NOD2: variants seen among roughly 807,000 people sequenced by gnomAD.
The protein encoded by NOD2 is nucleotide binding oligomerization domain containing 2.
A neutral mutation model predicts 90.9 loss-of-function variants in NOD2; 86 were observed. The ratio of observed to expected loss-of-function variants is 0.95; its 90% CI spans 0.79 to 1.13. The LOEUF is 1.13. Among genes scored for constraint, NOD2 ranks in the 50% most tolerant of loss-of-function variants. NOD2 has a pLI of 0.00. For missense variants in NOD2, 1,238 were observed against 1,283.8 expected, an observed-to-expected ratio of 0.96 and a Z score of 0.55; for synonymous variants, 581 against 554.6, an observed-to-expected ratio of 1.05 and a Z score of -0.67.
Position 50,731,876 on chromosome 16 carries a change from C to T in NOD2, c.*57C>T. 1 of 1,348,616 alleles carries T rather than the reference C, an allele frequency of 7.4e-7. No individual in the cohort carries two copies. Among genetic ancestry groups the T allele is most frequent in the Non-Finnish European group, 1.1e-6 (1 of 940,376 alleles). 83.5% of individuals were successfully genotyped at this position (1,348,616 alleles called of 1,614,324 possible). A position where few individuals can be genotyped will look rare whatever the true frequency, so the allele number is the denominator to read the frequency against. ...TTGTGAGCAGGCTGTGAGTTTGGGC[C>T]CCAGAGGCTGGGTGACATGTGTTGG... is the stretch of plus-strand genomic sequence containing the variant. On this transcript the variant is annotated 3_prime_UTR_variant, in exon 12 of 12. Coordinates refer to ENST00000647318, the MANE Select transcript of NOD2 (RefSeq NM_001370466.1).
intron 4 of NOD2, among the ~76,000 whole-genome samples, chr16:50,716,212 G>A (rs529761208): frequency 1.3e-5 from 2 of 152,342 alleles, no homozygotes; most frequent in African/African-American, 4.8e-5. Flanking sequence ...TCTAGTTCAG[G>A]CTGCACCTTT....
chr16:50,712,265 T>A lies in NOD2; in HGVS notation c.2273T>A (p.Val758Glu). ...ACTGAGTGTGCTGCCCTGGCCTTTG[T>A]GCTGCAGCACCTCCGGCGGCCCGTG... ...GPTECAALAF[V>E]LQHLRRPVAL... Residue 758 changes from valine (V) to glutamate (E), a missense_variant, in exon 4 of 12, where the codon GTG becomes GAG. Val to Glu is a moderately radical substitution (Grantham distance 121). Around this residue, in one of 3 missense-constraint regions of NOD2, gnomAD observed 667 missense variants for 688.7 expected, o/e 0.97. Coordinates refer to ENST00000647318, the MANE Select transcript of NOD2 (RefSeq NM_001370466.1). 1 of 1,614,006 alleles carries A rather than the reference T, an allele frequency of 6.2e-7. No homozygotes were observed. The highest frequency in any genetic ancestry group is 8.5e-7 in the Non-Finnish European group (1 of 1,180,048).
chr16:50,693,967 G>A (rs925505225), intron 1 of NOD2, among the ~76,000 whole-genome samples: 10 of 152,108 alleles, frequency 6.6e-5, no homozygotes, highest in African/African-American at 2.4e-4. Flanking sequence ...AGTCTGCCTG[G>A]AGGATCCTGC....
intron 3 of NOD2, 148 bp downstream of exon 3, chr16:50,708,108 C>T (rs1964284870): frequency 4.3e-6 from 3 of 697,184 alleles, no homozygotes; most frequent in Non-Finnish European, 5.3e-6. Flanking sequence ...GCTAGCACCA[C>T]CCCGTCTCAT....
At position 50,725,353 on chromosome 16, in the gene NOD2, C is replaced by T. The variant is rs528445431; in HGVS notation, c.2802-136C>T. The T allele has an allele frequency of 6.4e-5, 42 of 652,356 alleles. No individual in the cohort carries two copies. The East Asian group carries it at 7.2e-4, about 11-fold the overall frequency. The allele number at this position is 652,356 out of a possible 1,614,324, so 40.4% of individuals were successfully genotyped here. ...TCCCTGGAATTGAGAATCCCCACAA[C>T]GTACTTTATCTGTTCTTTCTTTATC... On this transcript the variant is annotated intron_variant, in intron 9 of 11. Coordinates refer to ENST00000647318, the MANE Select transcript of NOD2 (RefSeq NM_001370466.1).
intron 1 of NOD2, chr16:50,697,325 A>G (rs1428885871): frequency 1.9e-6 from 3 of 1,554,190 alleles, no homozygotes; most frequent in Non-Finnish European, 2.6e-6. Flanking sequence ...GGGTAAGAGG[A>G]GCAGGCATTG....
At chr16:50,723,805 A>G (rs1322587819) in intron 9 of NOD2, among the ~76,000 whole-genome samples, 1 of 152,216 alleles carries the variant, frequency 6.6e-6, no homozygotes. Context: ...AGACCTTAAT[A>G]TAGTGCCTGG....
chr16:50,722,433 G>A (rs1965100613), intron 7 of NOD2, among the ~76,000 whole-genome samples, 189 bp from the exon 8 acceptor site: 1 of 152,196 alleles, frequency 6.6e-6, no homozygotes. Flanking sequence ...GTTAAGTTTG[G>A]CCATCCCACC....
chr16:50,712,121 C>T lies in NOD2; in HGVS notation c.2129C>T (p.Pro710Leu), dbSNP rs763452657. ...GAGGCCAAGAGCGTGCATGCCATGC[C>T]CGGGTTCATCTGGCTCATCCGGAGC... ...PGEAKSVHAM[P>L]GFIWLIRSLY... is the part of the protein sequence containing the mutation. The change falls in exon 4 of 12, where the codon CCC becomes CTC. Residue 710 changes from proline to leucine, a missense_variant. By Grantham distance (98) the Pro-to-Leu change is moderately conservative. Coordinates refer to ENST00000647318, the MANE Select transcript of NOD2 (RefSeq NM_001370466.1). 3 of 1,614,022 alleles carry T rather than the reference C, an allele frequency of 1.9e-6. No homozygotes were observed. Among genetic ancestry groups the T allele is most frequent in the Non-Finnish European group, 2.5e-6 (3 of 1,180,038 alleles).
chr16:50,724,280 AGTAT>A (rs1310085105), intron 9 of NOD2, among the ~76,000 whole-genome samples: 2 of 152,214 alleles, frequency 1.3e-5, no homozygotes, highest in East Asian at 3.8e-4. Flanking sequence ...GCTCTACTCA[AGTAT>A]GATTGATTCT....
At chr16:50,704,525 C>T (rs1043261326) in intron 2 of NOD2, among the ~76,000 whole-genome samples, 1 of 144,410 alleles carries the variant, frequency 6.9e-6, no homozygotes, top group Non-Finnish European at 1.5e-5. Context: ...TCTAAGAATT[C>T]CAAAACCTTT....
Position 50,712,203 on chromosome 16 carries a change from T to C in NOD2, c.2211T>C (p.Val737=), listed in dbSNP as rs2150814380. ...LARKAARGLN[V]GHLKLTFCSV... is the part of the protein sequence containing the mutation. ...GGAAGGCTGCACGTGGCCTGAATGT[T>C]GGGCACCTCAAGTTGACATTTTGCA... Residue 737 remains valine (V), a synonymous_variant, in exon 4 of 12, where the codon GTT becomes GTC. Transcript: ENST00000647318. 1 of 1,613,994 alleles carries C rather than the reference T, an allele frequency of 6.2e-7. No homozygotes were observed. The highest frequency in any genetic ancestry group is 8.5e-7 in the Non-Finnish European group (1 of 1,180,044).
intron 7 of NOD2, among the ~76,000 whole-genome samples, chr16:50,722,091 A>G (rs541938000): frequency 6.6e-6 from 1 of 152,232 alleles, no homozygotes; most frequent in African/African-American, 2.4e-5. Context: ...TTGGAAAGGG[A>G]TGTTTTCAAA....
chr16:50,730,403 A>C (rs1376413212), intron 11 of NOD2, among the ~76,000 whole-genome samples: 1 of 152,238 alleles, frequency 6.6e-6, no homozygotes, highest in East Asian at 1.9e-4. Context: ...CTTAAAAAGA[A>C]TGACTAGCCT....
At chr16:50,716,726 G>T in intron 5 of NOD2, 56 bp downstream of exon 5, 1 of 1,574,598 alleles carries the variant, frequency 6.4e-7, no homozygotes. Flanking sequence ...CTCACCCCAG[G>T]TCGTGCAGCC....
Position 50,711,846 on chromosome 16 carries a change from C to T in NOD2, c.1854C>T (p.Pro618=). The change falls in exon 4 of 12, where the codon CCC becomes CCT. Residue 618 remains proline (P), a synonymous_variant. Coordinates refer to ENST00000647318, the MANE Select transcript of NOD2 (RefSeq NM_001370466.1). ...ACTCACCAATGGCCAGGCTCCTGCC[C>T]ACGATGTGCATCCAGGCCTCGGAGG... The part of the protein sequence containing the change: ...PGNSPMARLL[P]TMCIQASEGK... 6.2e-7 allele frequency: 1 copy of T among 1,612,890 alleles called. No individual in the cohort carries two copies. Among genetic ancestry groups the T allele is most frequent in the South Asian group, 1.1e-5 (1 of 91,060 alleles).
intron 1 of NOD2, chr16:50,697,359 C>A (rs1199763172): frequency 1.3e-6 from 2 of 1,523,064 alleles, no homozygotes; most frequent in Non-Finnish European, 8.9e-7. Context: ...TGATCCTCAG[C>A]CTTCTTTCAT....
chr16:50,711,099 C>T lies in NOD2; in HGVS notation c.1107C>T (p.Ser369=), dbSNP rs750664442. 3 of 1,614,196 alleles carry T rather than the reference C, an allele frequency of 1.9e-6. No individual in the cohort carries two copies. Among genetic ancestry groups the T allele is most frequent in the Non-Finnish European group, 2.5e-6 (3 of 1,180,026 alleles). The change falls in exon 4 of 12, where the codon TCC becomes TCT. Residue 369 remains serine, a synonymous_variant. Coordinates refer to ENST00000647318, the MANE Select transcript of NOD2 (RefSeq NM_001370466.1). The part of the protein sequence containing the change: ...FRFTDRERHC[S]PTDPTSVQTL... Reference sequence around the variant, plus strand: ...TCACGGATCGTGAACGCCACTGCTCCCCGACCGACCCCACCTCTGTCCAGA... The same window carrying T: ...TCACGGATCGTGAACGCCACTGCTCTCCGACCGACCCCACCTCTGTCCAGA...
At chr16:50,723,085 T>TAA (rs11292073) in intron 8 of NOD2, among the ~76,000 whole-genome samples, 47 of 116,944 alleles carry the variant, frequency 4.0e-4, no homozygotes, top group African/African-American at 1.3e-3. Context: ...CTAAAAAAGC[T>TAA]AAAAAAAAAA....
Sources: gnomAD v4.1 joint callset for allele counts (sites outside exome capture counted in the v4.1 genomes callset) on GRCh38, gnomAD v4.1.1 for gene constraint, gnomAD v4.1.1 regional missense constraint, MANE v1.5 for transcripts, NCBI Gene and HGNC (gene_info 2026-07-23, HGNC 2026-07-21) for gene names.